Variants in VAV1 observed in about 807,000 individuals in gnomAD.
VAV1 encodes the protein vav guanine nucleotide exchange factor 1, also known as proto-oncogene vav.
A neutral mutation model predicts 128.1 loss-of-function variants in VAV1; 33 were observed. That is an observed-to-expected ratio of 0.26 (90% CI 0.20 to 0.34). The LOEUF (loss-of-function observed/expected upper bound fraction) is 0.34. Among genes scored for constraint, VAV1 ranks in the 10% least tolerant of loss-of-function variants. The probability of loss-of-function intolerance (pLI) is 1.00; values close to 1 mark genes in which losing one functional copy is unlikely to be tolerated. For missense variants in VAV1, 715 were observed against 1,093.7 expected, an observed-to-expected ratio of 0.65 and a Z score of 4.88; for synonymous variants, 394 against 409.8, an observed-to-expected ratio of 0.96 and a Z score of 0.47.
intron 21 of VAV1, among the ~76,000 whole-genome samples, chr19:6,839,244 G>A (rs1295378093): frequency 1.3e-5 from 2 of 149,126 alleles, no homozygotes; most frequent in South Asian, 2.1e-4. Context: ...TTTAGAGATA[G>A]GGTCTCACTA....
chr19:6,827,523 C>G (rs1278973277), intron 9 of VAV1, among the ~76,000 whole-genome samples: 1 of 152,164 alleles, frequency 6.6e-6, no homozygotes, highest in Non-Finnish European at 1.5e-5. Flanking sequence ...GACTCACCCA[C>G]TCAGCCTCTC....
chr19:6,828,067 A>AT lies in VAV1; in HGVS notation c.928-7dup. On this transcript the variant is annotated splice_polypyrimidine_tract_variant and intron_variant, in intron 9 of 26. Transcript: ENST00000602142. This position sits in a 1 kb window ranked among gnomAD's most constrained non-coding sequence, Gnocchi z 4.5. The stretch of plus-strand genomic sequence containing the variant: ...GCCTCAGTTTCCCCATTGTTCTCTG[A>AT]TTCCCCAGGAATGTTCTCAGAGAGC... The AT allele has an allele frequency of 6.2e-7, 1 of 1,613,844 alleles. No homozygotes were observed. The highest frequency in any genetic ancestry group is 8.5e-7 in the Non-Finnish European group (1 of 1,179,862).
chr19:6,843,021 G>A (rs964547905), intron 21 of VAV1, 114 bp from the exon 22 acceptor site: 5 of 1,146,166 alleles, frequency 4.4e-6, no homozygotes, highest in Admixed American at 3.5e-5. Flanking sequence ...CACATAATAG[G>A]CACTCACTAA....
intron 14 of VAV1, 21 bp downstream of exon 14, chr19:6,829,939 C>A (rs1972015108): frequency 1.2e-6 from 2 of 1,613,870 alleles, no homozygotes; most frequent in Non-Finnish European, 1.7e-6. Flanking sequence ...GACGCCGGAA[C>A]TATGGGGTCC....
chr19:6,852,848 A>G (rs1047737832), intron 24 of VAV1, 117 bp from the exon 25 acceptor site: 2 of 734,244 alleles, frequency 2.7e-6, no homozygotes, highest in Admixed American at 5.2e-5. Context: ...GTCACTTTCC[A>G]AAGAGGCCAG....
chr19:6,793,335 A>AAAAG lies in VAV1; in HGVS notation c.204+20345_204+20348dup, dbSNP rs372531316. Among the ~76,000 whole-genome samples the AAAAG allele has an allele frequency of 2.2e-3, 328 of 151,934 alleles. 1 individual carries two copies. The highest frequency in any genetic ancestry group is 7.3e-3 in the African/African-American group (304 of 41,408). On this transcript the variant is annotated intron_variant, in intron 1 of 26. Coordinates refer to ENST00000602142, the MANE Select transcript of VAV1 (RefSeq NM_005428.4). ...GGTGACAGAGCGAGACTCCATCTCA[A>AAAAG]AAAGAAAGAAAGAAAGAAAGAAAGG...
At chr19:6,783,866 A>G (rs1358576584) in intron 1 of VAV1, among the ~76,000 whole-genome samples, 5 of 152,140 alleles carry the variant, frequency 3.3e-5, no homozygotes, top group African/African-American at 4.8e-5. Context: ...TAAAAAGGAG[A>G]TAGGTTGGTT....
intron 22 of VAV1, among the ~76,000 whole-genome samples, chr19:6,847,193 T>A (rs1972544596): frequency 6.6e-6 from 1 of 152,190 alleles, no homozygotes; most frequent in Admixed American, 6.5e-5. Context: ...ATTACAGGCG[T>A]GAGCCACAGC....
intron 13 of VAV1, 117 bp from the exon 14 acceptor site, chr19:6,829,669 A>C: frequency 6.7e-7 from 1 of 1,497,824 alleles, no homozygotes; most frequent in Non-Finnish European, 9.1e-7. Context: ...GGCATGGCCA[A>C]GTTGGCCAAG....
Position 6,828,806 on chromosome 19 carries a change from A to G in VAV1, c.1180-9A>G. 6.2e-7 allele frequency: 1 copy of G among 1,614,114 alleles called. No homozygotes were observed. Among genetic ancestry groups the G allele is most frequent in the Non-Finnish European group, 8.5e-7 (1 of 1,180,014 alleles). On this transcript the variant is annotated splice_polypyrimidine_tract_variant and intron_variant, in intron 12 of 26. Transcript: ENST00000602142. The surrounding 1 kb of genome is among the most constrained non-coding windows in gnomAD (Gnocchi z 4.5). Reference sequence around the variant, plus strand: ...GAGACCCTTGCTAGACCCCCTGCCTACTGCATAGGACCAGTCTCTGGCTCA... The same window carrying G: ...GAGACCCTTGCTAGACCCCCTGCCTGCTGCATAGGACCAGTCTCTGGCTCA...
At chr19:6,776,177 C>T (rs1970621614) in intron 1 of VAV1, among the ~76,000 whole-genome samples, 1 of 150,602 alleles carries the variant, frequency 6.6e-6, no homozygotes, top group Non-Finnish European at 1.5e-5. Flanking sequence ...TCCATCCATC[C>T]ATCCATCCAT....
At chr19:6,855,421 CATCT>C (rs1333548052) in intron 26 of VAV1, among the ~76,000 whole-genome samples, 11 of 151,342 alleles carry the variant, frequency 7.3e-5, no homozygotes, top group Admixed American at 5.9e-4. Context: ...TCCATCTATC[CATCT>C]ATCTATCCAC....
rs779109227 is a variant in VAV1 at position 6,851,159 on chromosome 19, TATAG to T, written c.2217+412_2217+415del. On this transcript the variant is annotated intron_variant, in intron 24 of 26. Coordinates refer to ENST00000602142, the MANE Select transcript of VAV1 (RefSeq NM_005428.4). The stretch of plus-strand genomic sequence containing the variant: ...ACGTGTATCTGTTTATTTTTATATA[TATAG>T]ATAGATAGAGAGAGAGAGATTGAGA... Among the ~76,000 whole-genome samples, 34 of 151,778 alleles carry T rather than the reference TATAG, an allele frequency of 2.2e-4. 1 individual carries two copies. Among genetic ancestry groups the T allele is most frequent in the Non-Finnish European group, 3.4e-4 (23 of 67,980 alleles).
intron 14 of VAV1, 24 bp from the exon 15 acceptor site, chr19:6,832,064 TTCA>T (rs1457315935): frequency 5.0e-6 from 8 of 1,610,158 alleles, no homozygotes; most frequent in Non-Finnish European, 5.1e-6. Context: ...GGGCAGTGCC[TTCA>T]GTCTGAGCTC....
chr19:6,821,654 C>A lies in VAV1; in HGVS notation c.354C>A (p.Thr118=). ...ACACCCTGTCTGCTCTGTCCTGGAC[C>A]CCGATCGCCCAGAACAGGGGGATCA... ...VIYTLSALSW[T]PIAQNRGIMP... The change falls in exon 3 of 27, where the codon ACC becomes ACA. Residue 118 remains threonine (T), a synonymous_variant. Transcript: ENST00000602142. 1 of 1,614,142 alleles carries A rather than the reference C, an allele frequency of 6.2e-7. No homozygotes were observed. Among genetic ancestry groups the A allele is most frequent in the Non-Finnish European group, 8.5e-7 (1 of 1,180,018 alleles).
rs757973890 is a variant in VAV1, at chr19:6,828,871, C to G, written c.1236C>G (p.Thr412=). 6.2e-7 allele frequency: 1 copy of G among 1,614,156 alleles called. No homozygotes were observed. The highest frequency in any genetic ancestry group is 1.1e-5 in the South Asian group (1 of 91,084). Residue 412 remains threonine, a synonymous_variant, in exon 13 of 27, where the codon ACC becomes ACG. Transcript: ENST00000602142. This position sits in a 1 kb window ranked among gnomAD's most constrained non-coding sequence, Gnocchi z 4.5. Reference sequence around the variant, plus strand: ...AGATCGACGGGGAACTCAAGATCACCTCGGTGGAACGGCGCTCCAAGATGG... The same window carrying G: ...AGATCGACGGGGAACTCAAGATCACGTCGGTGGAACGGCGCTCCAAGATGG... ...RPKIDGELKI[T]SVERRSKMDR...
intron 1 of VAV1, among the ~76,000 whole-genome samples, chr19:6,782,731 T>A (rs1302968714): frequency 6.6e-6 from 1 of 151,996 alleles, no homozygotes; most frequent in Non-Finnish European, 1.5e-5. Flanking sequence ...TATATATATA[T>A]ATTAGCAGAG....
chr19:6,778,485 G>C (rs749058401), intron 1 of VAV1, among the ~76,000 whole-genome samples: 3 of 152,140 alleles, frequency 2.0e-5, no homozygotes, highest in African/African-American at 7.2e-5. Context: ...TGGCTTTGGA[G>C]AGCCACACCT....
At chr19:6,829,745 T>C (rs764921092) in intron 13 of VAV1, 41 bp from the exon 14 acceptor site, 2 of 1,610,912 alleles carry the variant, frequency 1.2e-6, no homozygotes, top group Non-Finnish European at 1.7e-6. Context: ...ATGGGGACAG[T>C]TGGGAAGAGC....
Sources: gnomAD v4.1 joint callset for allele counts (sites outside exome capture counted in the v4.1 genomes callset) on GRCh38, gnomAD v4.1.1 for gene constraint, Gnocchi (gnomAD v3.1) non-coding constraint, MANE v1.5 for transcripts, NCBI Gene and HGNC (gene_info 2026-07-23, HGNC 2026-07-21) for gene names.